The following TANK variants were observed in gnomAD, a reference collection of about 807,000 sequenced individuals.
TANK encodes the protein TRAF family member associated NFKB activator, also known as TRAF family member-associated NF-kappa-B activator.
TANK carries 15 observed loss-of-function variants against 43.6 expected under a neutral mutation model. That is an observed-to-expected ratio of 0.34 (90% CI 0.23 to 0.53). The LOEUF (loss-of-function observed/expected upper bound fraction) is 0.53. TANK is among the 20% of genes least tolerant of loss of function. The pLI, the probability that TANK is intolerant of heterozygous loss-of-function variation, is 0.94. For missense variants in TANK, 417 were observed against 498.6 expected, an observed-to-expected ratio of 0.84 and a Z score of 1.56; for synonymous variants, 162 against 178.2, an observed-to-expected ratio of 0.91 and a Z score of 0.73.
intron 1 of TANK, among the ~76,000 whole-genome samples, chr2:161,143,383 G>T (rs899990881): frequency 2.0e-5 from 3 of 152,198 alleles, no homozygotes; most frequent in African/African-American, 7.2e-5. Flanking sequence ...GTGAGAGAGG[G>T]CATCCTTGTC....
intron 2 of TANK, among the ~76,000 whole-genome samples, chr2:161,190,216 T>C (rs1361778608): frequency 6.6e-6 from 1 of 152,198 alleles, no homozygotes; most frequent in Non-Finnish European, 1.5e-5. Flanking sequence ...TATGAAAAGA[T>C]GCTCAGCATC....
intron 2 of TANK, among the ~76,000 whole-genome samples, chr2:161,202,614 C>G (rs887675959): frequency 6.6e-6 from 1 of 151,914 alleles, no homozygotes; most frequent in African/African-American, 2.4e-5. Context: ...GAAGATCATT[C>G]TGAGATTATT....
At chr2:161,185,294 G>A (rs1395007185) in intron 2 of TANK, among the ~76,000 whole-genome samples, 1 of 152,110 alleles carries the variant, frequency 6.6e-6, no homozygotes, top group African/African-American at 2.4e-5. Flanking sequence ...CAACTGAGAA[G>A]CCAATTGCAT....
intron 1 of TANK, among the ~76,000 whole-genome samples, chr2:161,137,684 T>G (rs1425918186): frequency 1.3e-5 from 2 of 152,060 alleles, no homozygotes; most frequent in Admixed American, 1.3e-4. Context: ...ATACAAACAT[T>G]AACTCAAGGC....
At chr2:161,201,349 G>A in intron 2 of TANK, 3 of 831,680 alleles carry the variant, frequency 3.6e-6, no homozygotes, top group Non-Finnish European at 4.3e-6. Flanking sequence ...TTAAGCCAGA[G>A]AATAGAAGAT....
At chr2:161,158,243 G>T (rs1166195117), upstream of TANK, among the ~76,000 whole-genome samples, 1 of 152,090 alleles carries the variant, frequency 6.6e-6, no homozygotes, top group Admixed American at 6.5e-5. Context: ...CTAACTTGAG[G>T]TATATAATAA....
At chr2:161,172,270 A>G (rs1018855902) in intron 1 of TANK, among the ~76,000 whole-genome samples, 8 of 151,874 alleles carry the variant, frequency 5.3e-5, no homozygotes, top group Non-Finnish European at 7.4e-5. Context: ...TAGGAAAAAC[A>G]TGTACATCTT....
intron 1 of TANK, among the ~76,000 whole-genome samples, chr2:161,175,593 G>T (rs1685140646): frequency 6.6e-6 from 1 of 152,058 alleles, no homozygotes; most frequent in African/African-American, 2.4e-5. Context: ...TGCTAGGGCT[G>T]GGAAGCTTTA....
chr2:161,159,322 G>A (rs1441581190), upstream of TANK: 1 of 152,058 alleles, frequency 6.6e-6, no homozygotes, highest in Admixed American at 6.5e-5. Flanking sequence ...CTTGTGTCGG[G>A]GCAGAAAGTA....
chr2:161,173,987 C>G (rs559190176), intron 1 of TANK, among the ~76,000 whole-genome samples: 2 of 152,270 alleles, frequency 1.3e-5, no homozygotes, highest in African/African-American at 4.8e-5. Context: ...TTGCCAATGA[C>G]TAGCACGTAG....
chr2:161,166,212 C>T (rs1029287989), intron 1 of TANK, among the ~76,000 whole-genome samples: 6 of 152,332 alleles, frequency 3.9e-5, no homozygotes, highest in Admixed American at 6.5e-5. Flanking sequence ...CAAATTCTAA[C>T]ACTGCTGGAT....
intron 1 of TANK, among the ~76,000 whole-genome samples, chr2:161,144,689 C>T (rs1028445291): frequency 6.6e-6 from 1 of 152,120 alleles, no homozygotes; most frequent in African/African-American, 2.4e-5. Flanking sequence ...AGTTCTTTTG[C>T]ATTTGCTGAG....
intron 1 of TANK, among the ~76,000 whole-genome samples, chr2:161,168,560 C>T (rs2105267882): frequency 6.6e-6 from 1 of 152,312 alleles, no homozygotes; most frequent in Middle Eastern, 3.4e-3. Flanking sequence ...AGGCCAGGCA[C>T]AGTGGCTTAT....
At chr2:161,209,670 C>A (rs1250029860) in intron 4 of TANK, among the ~76,000 whole-genome samples, 1 of 152,080 alleles carries the variant, frequency 6.6e-6, no homozygotes, top group African/African-American at 2.4e-5. Flanking sequence ...ATACAAAATT[C>A]TCCGGTGGTT....
chr2:161,188,616 A>G (rs760932195), intron 2 of TANK, among the ~76,000 whole-genome samples: 40 of 152,274 alleles, frequency 2.6e-4, no homozygotes, highest in African/African-American at 6.7e-4. Context: ...ATTAATACCA[A>G]TCCTCTCAGT....
intron 1 of TANK, among the ~76,000 whole-genome samples, chr2:161,171,821 C>T (rs1182037349): frequency 6.6e-6 from 1 of 152,146 alleles, no homozygotes; most frequent in African/African-American, 2.4e-5. Context: ...AACAACTTTA[C>T]CATTTATGAA....
chr2:161,160,833 G>T (rs1372037940), intron 1 of TANK: 19 of 530,472 alleles, frequency 3.6e-5, no homozygotes, highest in Non-Finnish European at 6.0e-5. Context: ...GTGAGCAGTG[G>T]ACCCTCCAGG....
rs1319332324 is a variant in TANK at position 161,172,066 on chromosome 2, G to A, written c.-49-7548G>A. On this transcript the variant is annotated intron_variant, in intron 1 of 7. Transcript: ENST00000392749. ...ATACTCTGCCAGAGTTGTTTTTCCT[G>A]TTATTTAACAGCATAGAAAGGTTAA... Among the ~76,000 whole-genome samples, 4 of 152,048 alleles carry A rather than the reference G, an allele frequency of 2.6e-5. No individual in the cohort carries two copies. In the East Asian group the frequency reaches 7.7e-4, roughly 29 times the overall value.
rs182997862 is a variant in TANK at position 161,234,970 on chromosome 2, G to C, written c.1102-372G>C. On this transcript the variant is annotated intron_variant, in intron 7 of 7. Transcript: ENST00000392749. ...AATTAATAAAGCCCCTATAATTTAA[G>C]GTTTTTATTGTAAAAAACAAAAGAT... Among the ~76,000 whole-genome samples the C allele has an allele frequency of 3.8e-3, 580 of 152,184 alleles. 13 individuals are homozygous for C. The highest frequency in any genetic ancestry group is 0.014 in the African/African-American group (561 of 41,538).
Sources: gnomAD v4.1 joint callset for allele counts (sites outside exome capture counted in the v4.1 genomes callset) on GRCh38, gnomAD v4.1.1 for gene constraint, MANE v1.5 for transcripts, NCBI Gene and HGNC (gene_info 2026-07-23, HGNC 2026-07-21) for gene names.